Variants in PPARG observed in about 807,000 individuals in gnomAD.
PPARG encodes the protein peroxisome proliferator-activated receptor gamma.
Under a neutral mutation model 39.2 loss-of-function variants are expected in PPARG, and 17 were observed. The observed-to-expected ratio is 0.43, with a 90% CI of 0.30 to 0.65. The LOEUF is 0.65. PPARG is among the 30% of genes least tolerant of loss of function. The pLI is 0.13. For synonymous variants in PPARG, 223 were observed against 215.7 expected (o/e 1.03, Z -0.30); for missense variants, 406 against 585.9 (o/e 0.69, Z 3.17).
At chr3:12,338,265 G>C (rs2048073331) in intron 2 of PPARG, among the ~76,000 whole-genome samples, 1 of 152,186 alleles carries the variant, frequency 6.6e-6, no homozygotes, top group Non-Finnish European at 1.5e-5. Flanking sequence ...TAAATGTTTT[G>C]TAACCATGAC....
rs536434624 is a variant in PPARG at position 12,385,550 on chromosome 3, T to G, written c.390+4059T>G. On this transcript the variant is annotated intron_variant, in intron 4 of 7. Coordinates refer to ENST00000651735, the MANE Select transcript of PPARG (RefSeq NM_138711.6). ...TTGTTGTTTACATGTTGGAGATATA[T>G]TTTTTTCTTTGGTAAGTTCCATCCT... Among the ~76,000 whole-genome samples the G allele has an allele frequency of 1.2e-4, 18 of 152,256 alleles. No individual in the cohort carries two copies. The South Asian group carries it at 1.7e-3, about 14-fold the overall frequency.
At position 12,341,642 on chromosome 3, in the gene PPARG, T is replaced by C. The variant is rs145755678; in HGVS notation, c.-9+29189T>C. ...TGGCAACATGGTGAAACCCCATCTC[T>C]ACAAAAACATACAAAAGTTAGTTGG... On this transcript the variant is annotated intron_variant, in intron 2 of 7. Coordinates refer to ENST00000651735, the MANE Select transcript of PPARG (RefSeq NM_138711.6). Among the ~76,000 whole-genome samples the C allele has an allele frequency of 9.7e-3, 1,470 of 152,230 alleles. 99 individuals carry two copies. Among genetic ancestry groups the C allele is most frequent in the Admixed American group, 0.087 (1,332 of 15,288 alleles).
chr3:12,351,353 C>T (rs2048480703), intron 2 of PPARG: 7 of 579,090 alleles, frequency 1.2e-5, no homozygotes. Context: ...AAGCAGTGAA[C>T]ATTATGACAC....
intron 2 of PPARG, chr3:12,351,602 A>T: frequency 1.2e-6 from 2 of 1,606,462 alleles, no homozygotes; most frequent in Non-Finnish European, 1.7e-6. Context: ...TATGGGTGAA[A>T]CTCTGGGAGA....
At chr3:12,318,290 C>T (rs1020834199) in intron 2 of PPARG, among the ~76,000 whole-genome samples, 10 of 152,070 alleles carry the variant, frequency 6.6e-5, no homozygotes, top group African/African-American at 2.4e-4. Context: ...AGATTATTTC[C>T]TGAGGCTATG....
At chr3:12,395,871 C>G (rs1207047001) in intron 5 of PPARG, among the ~76,000 whole-genome samples, 1 of 152,126 alleles carries the variant, frequency 6.6e-6, no homozygotes, top group Non-Finnish European at 1.5e-5. Context: ...AGCAGAAATA[C>G]AGACCCACTT....
At chr3:12,289,442 G>A (rs1426049793) in intron 1 of PPARG, among the ~76,000 whole-genome samples, 1 of 152,186 alleles carries the variant, frequency 6.6e-6, no homozygotes, top group Non-Finnish European at 1.5e-5. Flanking sequence ...ACCAGACAAT[G>A]ATAAACTGAG....
chr3:12,300,478 CAGTT>C (rs2046898645), intron 1 of PPARG, among the ~76,000 whole-genome samples: 1 of 152,136 alleles, frequency 6.6e-6, no homozygotes, highest in Non-Finnish European at 1.5e-5. Flanking sequence ...AATACAGCCA[CAGTT>C]AATTTCTTTT....
At chr3:12,306,842 AT>A (rs889535045) in intron 1 of PPARG, among the ~76,000 whole-genome samples, 2 of 151,996 alleles carry the variant, frequency 1.3e-5, no homozygotes, top group African/African-American at 4.8e-5. Context: ...CACGCCTGTA[AT>A]CCCCCAGCAC....
chr3:12,417,818 G>T (rs901508799), intron 7 of PPARG, among the ~76,000 whole-genome samples: 3 of 144,450 alleles, frequency 2.1e-5, no homozygotes, highest in African/African-American at 7.7e-5. Flanking sequence ...CCTGCAAGTA[G>T]TACATGATCT....
At position 12,415,992 on chromosome 3, in the gene PPARG, C is replaced by T. The variant is rs35995141; in HGVS notation, c.730-712C>T. The stretch of plus-strand genomic sequence containing the variant: ...TTTATGTTCAAGTGGGTATTTTCAA[C>T]GCTGAGTTGCTGAAATGGTTTTTTA... On this transcript the variant is annotated intron_variant, in intron 6 of 7. Coordinates refer to ENST00000651735, the MANE Select transcript of PPARG (RefSeq NM_138711.6). Among the ~76,000 whole-genome samples the T allele has an allele frequency of 4.2e-3, 645 of 152,300 alleles. 4 individuals are homozygous for T. Among genetic ancestry groups the T allele is most frequent in the South Asian group, 0.018 (88 of 4,828 alleles).
chr3:12,396,582 C>T (rs1413612902), intron 5 of PPARG, among the ~76,000 whole-genome samples: 1 of 152,070 alleles, frequency 6.6e-6, no homozygotes, highest in Non-Finnish European at 1.5e-5. Flanking sequence ...CATGACAAGA[C>T]TCCATATCTA....
At chr3:12,368,157 C>T (rs74549824) in intron 2 of PPARG, among the ~76,000 whole-genome samples, 427 of 149,896 alleles carry the variant, frequency 2.8e-3, no homozygotes, top group Admixed American at 9.5e-3. Flanking sequence ...TAGTTAATTT[C>T]TAATAGTTTT....
chr3:12,361,369 A>C (rs1279988210), intron 2 of PPARG, among the ~76,000 whole-genome samples: 1 of 152,128 alleles, frequency 6.6e-6, no homozygotes, highest in African/African-American at 2.4e-5. Flanking sequence ...ATATAGTCTG[A>C]TATACTAGAT....
chr3:12,402,372 A>G (rs1035122588), intron 5 of PPARG, among the ~76,000 whole-genome samples: 5 of 152,082 alleles, frequency 3.3e-5, no homozygotes, highest in African/African-American at 9.7e-5. Context: ...CATTTTCCCA[A>G]ACTTCCTAAT....
chr3:12,298,035 C>A (rs1435403349), intron 1 of PPARG: 2 of 151,812 alleles, frequency 1.3e-5, no homozygotes, highest in African/African-American at 2.4e-5. Flanking sequence ...CGCGGTGGCT[C>A]ACGCCTGTAA....
chr3:12,292,301 A>G (rs1327822360), intron 1 of PPARG, among the ~76,000 whole-genome samples: 1 of 152,226 alleles, frequency 6.6e-6, no homozygotes, highest in Non-Finnish European at 1.5e-5. Context: ...TAGAAGGCAC[A>G]GATTGTGCGC....
At chr3:12,292,443 G>A (rs1481907443) in intron 1 of PPARG, among the ~76,000 whole-genome samples, 2 of 152,092 alleles carry the variant, frequency 1.3e-5, no homozygotes, top group East Asian at 1.9e-4. Context: ...ACAGTTTAGT[G>A]TCACAACTTA....
intron 5 of PPARG, among the ~76,000 whole-genome samples, chr3:12,396,237 T>G (rs1375505082): frequency 6.6e-6 from 1 of 152,064 alleles, no homozygotes; most frequent in Non-Finnish European, 1.5e-5. Context: ...TTCTCCTGCC[T>G]TAGCCTCCTG....
Sources: gnomAD v4.1 joint callset for allele counts (sites outside exome capture counted in the v4.1 genomes callset) on GRCh38, gnomAD v4.1.1 for gene constraint, MANE v1.5 for transcripts, NCBI Gene and HGNC (gene_info 2026-07-23, HGNC 2026-07-21) for gene names.